The following MAMDC2 variants were observed in gnomAD, a reference collection of about 807,000 sequenced individuals.
MAMDC2 encodes MAM domain containing 2, also known as MAM domain-containing protein 2.
MAMDC2 carries 57 observed loss-of-function variants against 89.8 expected under a neutral mutation model. The observed-to-expected ratio is 0.63, with a 90% CI of 0.51 to 0.79. The LOEUF is 0.79. MAMDC2 is among the 30% of genes least tolerant of loss of function. The pLI, the probability that MAMDC2 is intolerant of heterozygous loss-of-function variation, is 0.00. For synonymous variants in MAMDC2, 313 were observed against 293.4 expected, an observed-to-expected ratio of 1.07 and a Z score of -0.68; for missense variants, 800 against 820.6, an observed-to-expected ratio of 0.97 and a Z score of 0.31.
At chr9:70,073,281 A>G (rs1405799147) in intron 2 of MAMDC2, among the ~76,000 whole-genome samples, 2 of 152,270 alleles carry the variant, frequency 1.3e-5, no homozygotes, top group Non-Finnish European at 2.9e-5. Context: ...TTCACTTCTG[A>G]TAAGCCAAGT....
rs367652076 is a variant in MAMDC2 at position 70,186,148 on chromosome 9, G to GT, written c.1651+15523dup. On this transcript the variant is annotated intron_variant, in intron 11 of 13. Coordinates refer to ENST00000377182, the MANE Select transcript of MAMDC2 (RefSeq NM_153267.5). ...CCTAGTATTTGCTTTATATTTATAT[G>GT]TTTTTTAAATCCTAAAAAGTATTCT... Among the ~76,000 whole-genome samples the GT allele has an allele frequency of 2.8e-3, 428 of 150,474 alleles. 3 individuals are homozygous for GT. Among genetic ancestry groups the GT allele is most frequent in the African/African-American group, 0.01 (415 of 41,212 alleles).
At chr9:70,192,030 T>C (rs1402101258) in intron 11 of MAMDC2, among the ~76,000 whole-genome samples, 1 of 152,142 alleles carries the variant, frequency 6.6e-6, no homozygotes, top group Non-Finnish European at 1.5e-5. Flanking sequence ...GTGAGATCTG[T>C]TGGTTTCTCT....
chr9:70,054,986 G>A (rs1826995788), intron 2 of MAMDC2, among the ~76,000 whole-genome samples: 1 of 152,064 alleles, frequency 6.6e-6, no homozygotes, highest in African/African-American at 2.4e-5. Context: ...GCTGAGGTGG[G>A]CGACTATCAC....
At chr9:70,083,662 T>C (rs1421886855) in intron 2 of MAMDC2, 1 of 151,816 alleles carries the variant, frequency 6.6e-6, no homozygotes, top group Non-Finnish European at 1.5e-5. Flanking sequence ...TGTTCCTCTT[T>C]GCATGCTTAC....
chr9:70,210,600 G>C (rs373230052), intron 11 of MAMDC2, among the ~76,000 whole-genome samples: 1 of 152,180 alleles, frequency 6.6e-6, no homozygotes, highest in African/African-American at 2.4e-5. Flanking sequence ...TTGCCAGTCT[G>C]TGTCTTTTAA....
chr9:70,080,899 T>C (rs1315104161), intron 2 of MAMDC2, among the ~76,000 whole-genome samples: 2 of 152,212 alleles, frequency 1.3e-5, no homozygotes, highest in Non-Finnish European at 2.9e-5. Context: ...TTGGGGTTAC[T>C]GGTCCGGTTA....
At chr9:70,204,612 T>A (rs1346270830) in intron 11 of MAMDC2, among the ~76,000 whole-genome samples, 1 of 151,686 alleles carries the variant, frequency 6.6e-6, no homozygotes, top group Non-Finnish European at 1.5e-5. Flanking sequence ...CTGCTTTGTT[T>A]ACCTAAGCAA....
At chr9:70,076,615 C>T (rs1193532915) in intron 2 of MAMDC2, among the ~76,000 whole-genome samples, 1 of 152,188 alleles carries the variant, frequency 6.6e-6, no homozygotes, top group African/African-American at 2.4e-5. Flanking sequence ...CATGCTGCCT[C>T]AGTCCTAGAC....
intron 5 of MAMDC2, among the ~76,000 whole-genome samples, chr9:70,124,278 C>A (rs1262852760): frequency 1.3e-5 from 2 of 152,140 alleles, no homozygotes; most frequent in Non-Finnish European, 2.9e-5. Context: ...AATATGATTT[C>A]AAATACTGGC....
intron 11 of MAMDC2, among the ~76,000 whole-genome samples, chr9:70,216,702 G>A (rs2033452374): frequency 6.6e-6 from 1 of 152,180 alleles, no homozygotes; most frequent in African/African-American, 2.4e-5. Context: ...TTTTCATCAA[G>A]TGATCAAAGG....
chr9:70,144,972 A>G (rs2031351400), intron 9 of MAMDC2, among the ~76,000 whole-genome samples: 1 of 152,226 alleles, frequency 6.6e-6, no homozygotes, highest in Non-Finnish European at 1.5e-5. Flanking sequence ...TGGTTAATCA[A>G]AGATCTCTGA....
At chr9:70,186,818 T>A (rs1279103025) in intron 11 of MAMDC2, among the ~76,000 whole-genome samples, 1 of 152,180 alleles carries the variant, frequency 6.6e-6, no homozygotes, top group African/African-American at 2.4e-5. Context: ...CATGTCAACA[T>A]GGTGAGACAG....
At chr9:70,212,216 G>C (rs1212089736) in intron 11 of MAMDC2, among the ~76,000 whole-genome samples, 1 of 152,208 alleles carries the variant, frequency 6.6e-6, no homozygotes, top group African/African-American at 2.4e-5. Flanking sequence ...GCTATGCCCT[G>C]CCCCCACAGG....
chr9:70,150,861 C>T (rs182986593), intron 9 of MAMDC2, among the ~76,000 whole-genome samples: 21 of 152,286 alleles, frequency 1.4e-4, no homozygotes, highest in East Asian at 5.8e-4. Flanking sequence ...GACAGAGAGA[C>T]GCAGCAGCCA....
At chr9:70,124,550 A>C (rs1490729109) in intron 5 of MAMDC2, among the ~76,000 whole-genome samples, 1 of 152,092 alleles carries the variant, frequency 6.6e-6, no homozygotes, top group East Asian at 1.9e-4. Context: ...CCTTTCTGAG[A>C]CCATGTCTGT....
intron 2 of MAMDC2, among the ~76,000 whole-genome samples, chr9:70,090,148 CACAT>C (rs780498759): frequency 1.4e-5 from 2 of 148,006 alleles, no homozygotes; most frequent in African/African-American, 5.1e-5. Context: ...CACACACACA[CACAT>C]AAAAATATCA....
At chr9:70,057,471 C>A (rs1265207553) in intron 2 of MAMDC2, among the ~76,000 whole-genome samples, 1 of 152,146 alleles carries the variant, frequency 6.6e-6, no homozygotes, top group Non-Finnish European at 1.5e-5. Context: ...CTCAGCTACT[C>A]ACAATAAAAA....
intron 11 of MAMDC2, chr9:70,217,752 C>A: frequency 9.8e-7 from 1 of 1,016,694 alleles, no homozygotes; most frequent in Non-Finnish European, 1.5e-6. Flanking sequence ...AAAAAAGTGT[C>A]ACAAAAAGTT....
intron 7 of MAMDC2, 117 bp downstream of exon 7, chr9:70,131,729 T>TA (rs1322904383): frequency 5.3e-6 from 4 of 760,816 alleles, no homozygotes; most frequent in Non-Finnish European, 6.5e-6. Context: ...CTGTCATCCT[T>TA]AAAAAATTAT....
Sources: gnomAD v4.1 joint callset for allele counts (sites outside exome capture counted in the v4.1 genomes callset) on GRCh38, gnomAD v4.1.1 for gene constraint, MANE v1.5 for transcripts, NCBI Gene and HGNC (gene_info 2026-07-23, HGNC 2026-07-21) for gene names.